The following PPEF1 variants were observed in gnomAD, a reference collection of about 807,000 sequenced individuals.
PPEF1 encodes serine/threonine-protein phosphatase with EF-hands 1.
Under a neutral mutation model 53.3 loss-of-function variants are expected in PPEF1, and 12 were observed. The observed-to-expected ratio is 0.23, with a 90% CI of 0.14 to 0.36. The LOEUF is 0.36. Ranked by LOEUF, PPEF1 falls within the 10% of genes least tolerant of loss-of-function variation. PPEF1 has a pLI of 1.00. For missense variants in PPEF1, 334 were observed against 490.4 expected (o/e 0.68, Z 3.01); for synonymous variants, 165 against 176.7 (o/e 0.93, Z 0.52).
chrX:18,791,716 T>G (rs2046327469), intron 10 of PPEF1, among the ~76,000 whole-genome samples: 1 of 111,929 alleles, frequency 8.9e-6, no homozygotes, highest in Admixed American at 9.5e-5. Context: ...GAACCTCCAG[T>G]ACACTGTTGA....
At chrX:18,783,866 A>G (rs770112724) in intron 8 of PPEF1, 33 bp from the exon 9 acceptor site, 1 of 1,191,854 alleles carries the variant, frequency 8.4e-7, no homozygotes, top group South Asian at 1.9e-5. Context: ...AACCTGTCAG[A>G]AAAACAAAAC....
intron 9 of PPEF1, among the ~76,000 whole-genome samples, chrX:18,786,484 A>G (rs1268874646): frequency 1.8e-5 from 2 of 111,748 alleles, no homozygotes; most frequent in African/African-American, 6.5e-5. Flanking sequence ...GTAATTACCT[A>G]TATGAAGAAA....
intron 3 of PPEF1, among the ~76,000 whole-genome samples, chrX:18,737,354 C>A: frequency 8.9e-6 from 1 of 112,088 alleles, no homozygotes. Context: ...CAAAGAACAT[C>A]TTTATTTCTG....
chrX:18,714,506 T>C (rs1322289041), intron 1 of PPEF1, among the ~76,000 whole-genome samples: 1 of 110,962 alleles, frequency 9.0e-6, no homozygotes, highest in Non-Finnish European at 1.9e-5. Flanking sequence ...CTCCTGACCT[T>C]ATGGTTCGCC....
At chrX:18,722,089 A>G in intron 1 of PPEF1, among the ~76,000 whole-genome samples, 1 of 112,001 alleles carries the variant, frequency 8.9e-6, no homozygotes, top group Non-Finnish European at 1.9e-5. Context: ...CTGTTTTTCC[A>G]GTGAAGTCAG....
chrX:18,687,246 C>A (rs780867415), intron 3 of PPEF1, among the ~76,000 whole-genome samples: 1 of 111,116 alleles, frequency 9.0e-6, no homozygotes, highest in South Asian at 3.8e-4. Context: ...AGTTTTGTTG[C>A]CCGAACACTG....
At chrX:18,685,684 C>CAAAAAAAAA (rs1212907646) in intron 2 of PPEF1, among the ~76,000 whole-genome samples, 7 of 28,717 alleles carry the variant, frequency 2.4e-4, no homozygotes, top group Non-Finnish European at 2.6e-4. Context: ...GACTCCATCT[C>CAAAAAAAAA]AAAAAAAAAA....
chrX:18,777,750 C>G (rs1199727045), intron 6 of PPEF1, among the ~76,000 whole-genome samples: 3 of 103,792 alleles, frequency 2.9e-5, no homozygotes, highest in Non-Finnish European at 5.9e-5. Flanking sequence ...ATGGTCTTTT[C>G]TTTCTTTTTT....
At chrX:18,676,600 C>T (rs1928685084) in intron 1 of PPEF1, among the ~76,000 whole-genome samples, 3 of 111,386 alleles carry the variant, frequency 2.7e-5, no homozygotes, top group African/African-American at 9.8e-5. Flanking sequence ...GAGAGCTCCA[C>T]GTTTCCCACT....
intron 12 of PPEF1, among the ~76,000 whole-genome samples, chrX:18,811,587 GTATATATA>G (rs59907227): frequency 0.02 from 882 of 43,889 alleles, 14 homozygotes; most frequent in African/African-American, 0.057. Flanking sequence ...CACTTATTCA[GTATATATA>G]TATATATATA....
chrX:18,754,787 G>C (rs148001356), intron 4 of PPEF1, among the ~76,000 whole-genome samples: 90 of 111,589 alleles, frequency 8.1e-4, no homozygotes, highest in African/African-American at 2.8e-3. Context: ...TTTTGGTAGA[G>C]ACAAGTTTTC....
rs1399818817 is a variant in PPEF1, at chrX:18,675,961, G to GA, written c.-756_-755insA. 3 of 92,512 alleles carry GA rather than the reference G, an allele frequency of 3.2e-5. No homozygotes were observed. In the Admixed American group the frequency reaches 3.5e-4, roughly 11 times the overall value. The allele number at this position is 92,512 out of a possible 1,213,427, so 7.6% of individuals were successfully genotyped here. A position where few individuals can be genotyped will look rare whatever the true frequency, so the allele number is the denominator to read the frequency against. On this transcript the variant is annotated 5_prime_UTR_variant, in exon 1 of 21. Transcript: ENST00000689646. ...CCCACCTGCAATCATTTGGGCGGGGGGGGGGGGGCATCTTTAAGCGCCCAG... is the reference window on the plus strand; with the variant it reads ...CCCACCTGCAATCATTTGGGCGGGGGAGGGGGGGGCATCTTTAAGCGCCCAG...
chrX:18,786,899 A>G (rs940208655), intron 9 of PPEF1, among the ~76,000 whole-genome samples: 1 of 110,480 alleles, frequency 9.1e-6, no homozygotes, highest in African/African-American at 3.3e-5. Flanking sequence ...TTTGTGTTTC[A>G]GTCACCAATA....
intron 2 of PPEF1, among the ~76,000 whole-genome samples, chrX:18,732,208 C>T (rs181164506): frequency 2.7e-5 from 3 of 112,859 alleles, no homozygotes; most frequent in African/African-American, 9.6e-5. Flanking sequence ...TTACTCATTC[C>T]GAAGAATATT....
chrX:18,709,127 T>C (rs376532583), intron 1 of PPEF1, among the ~76,000 whole-genome samples: 2 of 112,500 alleles, frequency 1.8e-5, no homozygotes, highest in East Asian at 5.6e-4. Context: ...AACATAAAAT[T>C]AGCCATTGTC....
At chrX:18,773,418 C>T (rs2045906718) in intron 6 of PPEF1, among the ~76,000 whole-genome samples, 1 of 111,455 alleles carries the variant, frequency 9.0e-6, no homozygotes, top group Non-Finnish European at 1.9e-5. Flanking sequence ...TCAACCTTCT[C>T]TTACCTTCTT....
intron 2 of PPEF1, among the ~76,000 whole-genome samples, chrX:18,730,800 C>T (rs751558689): frequency 5.8e-4 from 63 of 108,919 alleles, no homozygotes; most frequent in African/African-American, 2.1e-3. Context: ...CTGCAATCTC[C>T]GCCTCCTGGG....
intron 13 of PPEF1, 129 bp from the exon 14 acceptor site, chrX:18,823,794 C>T: frequency 1.5e-6 from 1 of 680,794 alleles, no homozygotes; most frequent in East Asian, 3.3e-5. Flanking sequence ...TTCAGGGCTG[C>T]AGGGCCTGGG....
chrX:18,764,032 T>G (rs957142812), intron 6 of PPEF1, among the ~76,000 whole-genome samples: 16 of 111,325 alleles, frequency 1.4e-4, no homozygotes, highest in Admixed American at 4.8e-4. Flanking sequence ...GCCAGTCAAC[T>G]GGGAGAAGTA....
Sources: gnomAD v4.1 joint callset for allele counts (sites outside exome capture counted in the v4.1 genomes callset) on GRCh38, gnomAD v4.1.1 for gene constraint, MANE v1.5 for transcripts, NCBI Gene and HGNC (gene_info 2026-07-23, HGNC 2026-07-21) for gene names.